ANO2: variants seen among roughly 807,000 people sequenced by gnomAD.
The protein encoded by ANO2 is anoctamin 2, also known as anoctamin-2.
A neutral mutation model predicts 124.2 loss-of-function variants in ANO2; 101 were observed. The observed-to-expected ratio is 0.81, with a 90% CI of 0.69 to 0.96. The LOEUF is 0.96. ANO2 is among the 40% of genes least tolerant of loss of function. The pLI is 0.00. For synonymous variants in ANO2, 486 were observed against 482.5 expected, an observed-to-expected ratio of 1.01 and a Z score of -0.09; for missense variants, 1,293 against 1,274.5, an observed-to-expected ratio of 1.01 and a Z score of -0.22.
At position 5,563,558 on chromosome 12, in the gene ANO2, A is replaced by C. The variant is rs1941572275; in HGVS notation, c.2738T>G (p.Met913Arg). 1 of 1,613,804 alleles carries C rather than the reference A, an allele frequency of 6.2e-7. No homozygotes were observed. The highest frequency in any genetic ancestry group is 8.5e-7 in the Non-Finnish European group (1 of 1,179,844). Residue 913 changes from methionine to arginine, a missense_variant, in exon 25 of 25, where the codon ATG (methionine) becomes AGG (arginine). Met to Arg is a moderately conservative substitution (Grantham distance 91). Coordinates refer to ENST00000682330, the MANE Select transcript of ANO2 (RefSeq NM_001364791.2). The part of the protein sequence containing the change: ...AFVIIFQNLV[M>R]FLSVLVDWMI... ...CCAGTCCACGAGGACGCTCAGGAACATCACGAGGTTCTGCAAAAAGCCAAG... is the reference window on the plus strand; with the variant it reads ...CCAGTCCACGAGGACGCTCAGGAACCTCACGAGGTTCTGCAAAAAGCCAAG...
In ANO2 at chr12:5,921,313, A is replaced by T. The variant is rs769762021; in HGVS notation, c.261T>A (p.Leu87=). Residue 87 remains leucine (L), a synonymous_variant, in exon 3 of 25, where the codon CTT becomes CTA. Coordinates refer to ENST00000682330, the MANE Select transcript of ANO2 (RefSeq NM_001364791.2). ...GACTGTCATGGAAGTGCATGCGGCT[A>T]AGACGGGCCTCCAAGGACACAGGCT... ...ANEPVSLEAR[L]SRMHFHDSQR... 1.9e-6 allele frequency: 3 copies of T among 1,613,968 alleles called. No individual in the cohort carries two copies. Among genetic ancestry groups the T allele is most frequent in the Middle Eastern group, 1.6e-4 (1 of 6,062 alleles).
intron 3 of ANO2, among the ~76,000 whole-genome samples, chr12:5,861,064 T>TG (rs1268671294): frequency 6.6e-6 from 1 of 152,190 alleles, no homozygotes; most frequent in African/African-American, 2.4e-5. Context: ...TTCAGAATGA[T>TG]GAACTGATTT....
intron 3 of ANO2, among the ~76,000 whole-genome samples, chr12:5,901,122 C>G (rs780558619): frequency 2.6e-5 from 4 of 152,156 alleles, no homozygotes; most frequent in Non-Finnish European, 5.9e-5. Context: ...CAAGAGGGAC[C>G]TGGAGATGTT....
chr12:5,924,496 C>G (rs1023801152), intron 1 of ANO2, among the ~76,000 whole-genome samples: 4 of 152,124 alleles, frequency 2.6e-5, no homozygotes, highest in Non-Finnish European at 4.4e-5. Context: ...GAGGCACTCC[C>G]TAGGGAGACA....
intron 1 of ANO2, among the ~76,000 whole-genome samples, chr12:5,933,173 A>G (rs1057484545): frequency 6.6e-6 from 1 of 152,060 alleles, no homozygotes; most frequent in African/African-American, 2.4e-5. Context: ...GCCCTTTACC[A>G]TCTTTCTTGT....
intron 14 of ANO2, among the ~76,000 whole-genome samples, chr12:5,681,155 G>GA (rs1431089050): frequency 6.6e-6 from 1 of 152,222 alleles, no homozygotes; most frequent in Non-Finnish European, 1.5e-5. Flanking sequence ...TGCTAAGCAG[G>GA]AAAGAGACTC....
chr12:5,676,787 C>T (rs1401109966), intron 14 of ANO2, among the ~76,000 whole-genome samples: 1 of 152,120 alleles, frequency 6.6e-6, no homozygotes, highest in Non-Finnish European at 1.5e-5. Context: ...GGCCCGGTGG[C>T]TCATTCCTAT....
Position 5,575,953 on chromosome 12 carries a change from A to G in ANO2, c.2502T>C (p.Ser834=). The change falls in exon 23 of 25, where the codon AGT becomes AGC. Residue 834 remains serine (S), a synonymous_variant. Coordinates refer to ENST00000682330, the MANE Select transcript of ANO2 (RefSeq NM_001364791.2). ...IPRLVYQYSY[S]HNGTLHGFVN... ...CAAAGCCGTGCAGAGTCCCATTGTG[A>G]CTGTAGGAGTACTGGTACACCAGGC... 3 of 1,613,208 alleles carry G rather than the reference A, an allele frequency of 1.9e-6. No homozygotes were observed. Among genetic ancestry groups the G allele is most frequent in the Non-Finnish European group, 2.5e-6 (3 of 1,179,628 alleles).
At chr12:5,697,173 C>A (rs1410472099) in intron 14 of ANO2, among the ~76,000 whole-genome samples, 2 of 152,174 alleles carry the variant, frequency 1.3e-5, no homozygotes, top group Non-Finnish European at 2.9e-5. Context: ...GTGGCTCACA[C>A]CTGTAATCCC....
chr12:5,908,118 C>T lies in ANO2; in HGVS notation c.534+12922G>A, dbSNP rs542629433. 1.3e-5 allele frequency among the ~76,000 whole-genome samples: 2 copies of T among 152,370 alleles called. No individual in the cohort carries two copies. Among genetic ancestry groups the T allele is most frequent in the South Asian group, 2.1e-4 (1 of 4,832 alleles). On this transcript the variant is annotated intron_variant, in intron 3 of 24. Transcript: ENST00000682330. This position sits in a 1 kb window ranked among gnomAD's most constrained non-coding sequence, Gnocchi z 4.7. ...CCAGCTCCGAGGACCCTGGGGCTTC[C>T]ACTCTGAAGCCTTTGGGGGTTCCCG...
intron 3 of ANO2, among the ~76,000 whole-genome samples, chr12:5,916,729 AAAAAAAC>A (rs1173470799): frequency 4.9e-5 from 5 of 102,000 alleles, no homozygotes; most frequent in Non-Finnish European, 1.2e-4. Context: ...TAATTTAAAA[AAAAAAAC>A]AAAACACTGT....
In ANO2 at chr12:5,666,889, G is replaced by T. The variant is rs1947754727; in HGVS notation, c.1546-19088C>A. On this transcript the variant is annotated intron_variant, in intron 14 of 24. Transcript: ENST00000682330. ...TCTTCTAACGAGATCTATGAAGGGG[G>T]TTTTGAGCCACATTGTATCAGGTCT... 3.3e-5 allele frequency among the ~76,000 whole-genome samples: 5 copies of T among 152,222 alleles called. No individual in the cohort carries two copies. The South Asian group carries it at 1.0e-3, about 32-fold the overall frequency.
At chr12:5,627,907 A>G (rs1212294408) in intron 16 of ANO2, among the ~76,000 whole-genome samples, 1 of 152,052 alleles carries the variant, frequency 6.6e-6, no homozygotes, top group Non-Finnish European at 1.5e-5. Context: ...AGCCTGGGAA[A>G]CAAAATGAGA....
intron 23 of ANO2, among the ~76,000 whole-genome samples, chr12:5,573,706 C>T (rs550317281): frequency 6.6e-5 from 10 of 152,262 alleles, no homozygotes; most frequent in East Asian, 1.9e-4. Context: ...GGCCCAGATG[C>T]GAAAAATCCT....
At chr12:5,835,905 C>T (rs781712647) in intron 4 of ANO2, among the ~76,000 whole-genome samples, 1 of 152,222 alleles carries the variant, frequency 6.6e-6, no homozygotes, top group Non-Finnish European at 1.5e-5. Flanking sequence ...CTCTTATAGG[C>T]CATTCAGTGC....
intron 16 of ANO2, among the ~76,000 whole-genome samples, chr12:5,623,945 G>C (rs982270093): frequency 5.3e-5 from 8 of 152,164 alleles, no homozygotes; most frequent in African/African-American, 1.9e-4. Flanking sequence ...CCATGGGTAG[G>C]GTGGAAATCA....
chr12:5,725,097 T>TCACACA (rs35973206), intron 14 of ANO2, among the ~76,000 whole-genome samples: 4,943 of 143,524 alleles, frequency 0.034, 75 homozygotes, highest in Non-Finnish European at 0.038. Flanking sequence ...TGTCTCCCTC[T>TCACACA]CACACACACA....
At chr12:5,896,211 C>A (rs1406324040) in intron 3 of ANO2, among the ~76,000 whole-genome samples, 1 of 152,024 alleles carries the variant, frequency 6.6e-6, no homozygotes, top group Admixed American at 6.6e-5. Flanking sequence ...TCAGAAATAA[C>A]CACTAAAGAA....
chr12:5,873,514 G>A (rs998967206), intron 3 of ANO2, among the ~76,000 whole-genome samples: 1 of 152,164 alleles, frequency 6.6e-6, no homozygotes, highest in African/African-American at 2.4e-5. Flanking sequence ...TTTGGGCTGG[G>A]GCCCATCCAG....
Sources: allele counts gnomAD v4.1 joint callset (sites outside exome capture counted in the v4.1 genomes callset), GRCh38; gene constraint gnomAD v4.1.1; non-coding constraint Gnocchi (gnomAD v3.1); transcripts MANE v1.5; gene names NCBI Gene and HGNC (gene_info 2026-07-23, HGNC 2026-07-21).